The following DAP3 variants were observed in gnomAD, a reference collection of about 807,000 sequenced individuals.
DAP3 encodes the protein small ribosomal subunit protein mS29.
Under a neutral mutation model 51.9 loss-of-function variants are expected in DAP3, and 28 were observed. That is an observed-to-expected ratio of 0.54 (90% CI 0.40 to 0.74). The LOEUF (loss-of-function observed/expected upper bound fraction) is 0.74, where lower values mean the gene tolerates loss of function less well. DAP3 is among the 30% of genes least tolerant of loss of function. The probability of loss-of-function intolerance (pLI) is 0.00; values close to 1 mark genes in which losing one functional copy is unlikely to be tolerated. For missense variants in DAP3, 458 were observed against 483.5 expected, an observed-to-expected ratio of 0.95 and a Z score of 0.49; for synonymous variants, 170 against 170.3, an observed-to-expected ratio of 1.00 and a Z score of 0.01.
At chr1:155,699,648 C>T (rs1290331828) in intron 1 of DAP3, among the ~76,000 whole-genome samples, 1 of 152,084 alleles carries the variant, frequency 6.6e-6, no homozygotes. Context: ...GGGTCTTACT[C>T]TGTTACCTGG....
intron 3 of DAP3, among the ~76,000 whole-genome samples, chr1:155,720,397 C>T (rs1415275420): frequency 6.9e-6 from 1 of 145,208 alleles, no homozygotes; most frequent in Admixed American, 6.9e-5. Context: ...AATCCCAGCA[C>T]TTTGGGAAGC....
At chr1:155,704,155 A>C (rs1655670241) in intron 1 of DAP3, among the ~76,000 whole-genome samples, 1 of 152,176 alleles carries the variant, frequency 6.6e-6, no homozygotes, top group East Asian at 1.9e-4. Flanking sequence ...TCACAAAATA[A>C]TCAAGTAGTG....
At chr1:155,726,285 ATTTTTTTT>A (rs1174524977) in intron 6 of DAP3, 5 of 120,490 alleles carry the variant, frequency 4.1e-5, no homozygotes, top group Admixed American at 9.4e-5. Flanking sequence ...CGCCCAGCTA[ATTTTTTTT>A]TTTTTTTTTT....
intron 1 of DAP3, among the ~76,000 whole-genome samples, chr1:155,700,224 T>C (rs1199339202): frequency 1.3e-5 from 2 of 152,240 alleles, no homozygotes; most frequent in African/African-American, 2.4e-5. Flanking sequence ...CATGAGCCAC[T>C]GCACCCAGCC....
chr1:155,700,039 T>A (rs2149121003), intron 1 of DAP3, among the ~76,000 whole-genome samples: 1 of 152,242 alleles, frequency 6.6e-6, no homozygotes, highest in South Asian at 2.1e-4. Context: ...TGGGTTCAAG[T>A]GATTCTCCTG....
intron 4 of DAP3, among the ~76,000 whole-genome samples, chr1:155,723,759 C>T (rs953159689): frequency 2.0e-5 from 3 of 152,200 alleles, no homozygotes; most frequent in South Asian, 2.1e-4. Context: ...TCAACACTGG[C>T]TGGGTACAAT....
In DAP3 at chr1:155,738,163, CAGA is replaced by C. The variant is rs3841631; in HGVS notation, c.1124_1126del (p.Glu375del). On this transcript the variant is annotated inframe_deletion, in exon 13 of 13. Coordinates refer to ENST00000368336, the MANE Select transcript of DAP3 (RefSeq NM_004632.4). ...GTGTTTGTCTCCATTTTAGCTCCTA[CAGA>C]AGAAGGGAAAAAAGAGCTGCTGTTC... The C allele has an allele frequency of 8.5e-3, 13,736 of 1,614,188 alleles. 101 individuals carry two copies. Among genetic ancestry groups the C allele is most frequent in the East Asian group, 0.038 (1,724 of 44,880 alleles).
intron 7 of DAP3, among the ~76,000 whole-genome samples, chr1:155,728,407 C>T (rs1278512820): frequency 2.0e-5 from 3 of 151,682 alleles, no homozygotes; most frequent in African/African-American, 7.3e-5. Context: ...ACTAAAAATA[C>T]AAATATTAGC....
At chr1:155,722,455 C>G (rs1387963524) in intron 4 of DAP3, among the ~76,000 whole-genome samples, 3 of 151,882 alleles carry the variant, frequency 2.0e-5, no homozygotes, top group African/African-American at 4.8e-5. Context: ...GTAGTTTATG[C>G]CTGTAGTCTC....
chr1:155,695,857 A>C (rs1030183604), intron 1 of DAP3, among the ~76,000 whole-genome samples: 1 of 152,234 alleles, frequency 6.6e-6, no homozygotes, highest in African/African-American at 2.4e-5. Context: ...CAGTAAAAAC[A>C]ATCATGGCTC....
At chr1:155,733,672 A>G (rs1659472606) in intron 11 of DAP3, among the ~76,000 whole-genome samples, 1 of 151,182 alleles carries the variant, frequency 6.6e-6, no homozygotes, top group Admixed American at 6.6e-5. Flanking sequence ...TCCTGTCTCT[A>G]CTAAAAATGT....
upstream of DAP3, chr1:155,688,154 A>C (rs1571383274): frequency 6.2e-7 from 1 of 1,613,774 alleles, no homozygotes; most frequent in Non-Finnish European, 8.5e-7. Context: ...CCCTGGGTCC[A>C]CCGCGGATCC....
At chr1:155,700,553 A>C (rs1464879040) in intron 1 of DAP3, among the ~76,000 whole-genome samples, 6 of 138,876 alleles carry the variant, frequency 4.3e-5, no homozygotes, top group Admixed American at 1.4e-4. Flanking sequence ...CAGCCGCCCC[A>C]TCCGGGAGGG....
At chr1:155,722,984 G>T (rs967721586) in intron 4 of DAP3, among the ~76,000 whole-genome samples, 1 of 151,982 alleles carries the variant, frequency 6.6e-6, no homozygotes, top group Non-Finnish European at 1.5e-5. Flanking sequence ...AGAACTTACA[G>T]GTTCTTTTCA....
At chr1:155,724,640 GAAA>G (rs936826529) in intron 4 of DAP3, among the ~76,000 whole-genome samples, 1 of 91,044 alleles carries the variant, frequency 1.1e-5, no homozygotes, top group Non-Finnish European at 2.5e-5. Context: ...CTCAAAAAAA[GAAA>G]AAAAAAAAAA....
chr1:155,697,862 A>G (rs1654727027), intron 1 of DAP3, among the ~76,000 whole-genome samples: 1 of 152,154 alleles, frequency 6.6e-6, no homozygotes, highest in African/African-American at 2.4e-5. Context: ...TTCATCCCTT[A>G]TCTCCAACTG....
In DAP3 at chr1:155,716,335, G is replaced by A. The variant is rs192830230; in HGVS notation, c.46-671G>A. ...CCAGCACTTTGGGAGGCAGAGGCGG[G>A]CGGATCATGAGGTCATGAGATCGAG... On this transcript the variant is annotated intron_variant, in intron 2 of 12. Coordinates refer to ENST00000368336, the MANE Select transcript of DAP3 (RefSeq NM_004632.4). Among the ~76,000 whole-genome samples the A allele has an allele frequency of 3.3e-3, 495 of 152,226 alleles. 3 individuals carry two copies. Among genetic ancestry groups the A allele is most frequent in the African/African-American group, 0.011 (474 of 41,540 alleles).
chr1:155,709,907 T>C, intron 2 of DAP3, 83 bp downstream of exon 2: 1 of 1,356,818 alleles, frequency 7.4e-7, no homozygotes, highest in Non-Finnish European at 1.0e-6. Context: ...TCATTGTATC[T>C]AGAGTGAAAT....
chr1:155,690,066 C>A (rs1653522530), intron 1 of DAP3, among the ~76,000 whole-genome samples: 1 of 127,934 alleles, frequency 7.8e-6, no homozygotes, highest in African/African-American at 5.4e-5. Flanking sequence ...CCCTCCAAGT[C>A]GTTAATAAAA....
Sources: gnomAD v4.1 joint callset for allele counts (sites outside exome capture counted in the v4.1 genomes callset) on GRCh38, gnomAD v4.1.1 for gene constraint, MANE v1.5 for transcripts, NCBI Gene and HGNC (gene_info 2026-07-23, HGNC 2026-07-21) for gene names.